RGS5: variants seen among roughly 807,000 people sequenced by gnomAD.
RGS5 encodes the protein regulator of G-protein signalling 5.
Under a neutral mutation model 18.9 loss-of-function variants are expected in RGS5, and 20 were observed. That is an observed-to-expected ratio of 1.06 (90% confidence interval 0.74 to 1.54). The LOEUF is 1.54. RGS5 is among the 40% of genes most tolerant of loss of function. The pLI is 0.00. For synonymous variants in RGS5, 57 were observed against 76.2 expected, an observed-to-expected ratio of 0.75 and a Z score of 1.31; for missense variants, 201 against 211.8, an observed-to-expected ratio of 0.95 and a Z score of 0.32.
At chr1:163,268,289 C>T (rs1420635747) in intron 2 of RGS5, among the ~76,000 whole-genome samples, 2 of 152,118 alleles carry the variant, frequency 1.3e-5, no homozygotes, top group Non-Finnish European at 2.9e-5. Flanking sequence ...AAGCACAGAA[C>T]CCAGAGCCAT....
intron 2 of RGS5, among the ~76,000 whole-genome samples, chr1:163,285,773 C>T (rs1199683962): frequency 5.9e-5 from 9 of 151,600 alleles, no homozygotes; most frequent in Admixed American, 4.6e-4. Flanking sequence ...AGCACCTTCC[C>T]CTTCTCTCTC....
rs182974028 is a variant in RGS5 at position 163,235,347 on chromosome 1, A to G, written c.-280-66979T>C. Among the ~76,000 whole-genome samples the G allele has an allele frequency of 4.9e-3, 741 of 152,308 alleles. 5 individuals carry two copies. The highest frequency in any genetic ancestry group is 0.017 in the African/African-American group (697 of 41,564). ...TGACATCATCTCCTCCAATACGTACAATATATAATGTTGAAAAAGTAGTAG... is the reference window on the plus strand; with the variant it reads ...TGACATCATCTCCTCCAATACGTACGATATATAATGTTGAAAAAGTAGTAG... On this transcript the variant is annotated intron_variant, in intron 2 of 5. Transcript: ENST00000618415.
chr1:163,262,787 G>A (rs113371652), intron 2 of RGS5, among the ~76,000 whole-genome samples: 1 of 151,232 alleles, frequency 6.6e-6, no homozygotes, highest in African/African-American at 2.4e-5. Context: ...GTGTAAAAGT[G>A]TTCCTATTTC....
chr1:163,254,634 A>C (rs1158471239), intron 2 of RGS5, among the ~76,000 whole-genome samples: 1 of 152,216 alleles, frequency 6.6e-6, no homozygotes, highest in Non-Finnish European at 1.5e-5. Flanking sequence ...TTTGCTGTGC[A>C]GAAGAACTTT....
intron 2 of RGS5, among the ~76,000 whole-genome samples, chr1:163,291,163 T>C (rs1649275462): frequency 6.6e-6 from 1 of 151,580 alleles, no homozygotes; most frequent in Admixed American, 6.6e-5. Context: ...TGTAGAATCA[T>C]AAAAACTCTC....
At chr1:163,212,212 G>T (rs1391423179) in intron 1 of RGS5, 1 of 152,158 alleles carries the variant, frequency 6.6e-6, no homozygotes, top group Non-Finnish European at 1.5e-5. Flanking sequence ...GGCTCTTTGA[G>T]TCTGGGTGAT....
rs368489124 is a variant in RGS5, at chr1:163,162,152, G to C, written c.156-176C>G. ...CTAACAATTGGGTTTGATGAGCTGG[G>C]TTTGCTTTCATACATCTTTATTGCA... is the stretch of plus-strand genomic sequence containing the variant. On this transcript the variant is annotated intron_variant, in intron 2 of 4. Coordinates refer to ENST00000313961, the MANE Select transcript of RGS5 (RefSeq NM_003617.4). Among the ~76,000 whole-genome samples, 8 of 152,276 alleles carry C rather than the reference G, an allele frequency of 5.3e-5. No homozygotes were observed. The East Asian group carries it at 9.6e-4, about 18-fold the overall frequency.
At chr1:163,259,587 G>C (rs1648375516) in intron 2 of RGS5, among the ~76,000 whole-genome samples, 1 of 152,160 alleles carries the variant, frequency 6.6e-6, no homozygotes, top group Admixed American at 6.5e-5. Flanking sequence ...AAGAACATCA[G>C]TACAGCTGGA....
intron 2 of RGS5, among the ~76,000 whole-genome samples, chr1:163,272,116 T>C (rs1557926842): frequency 6.6e-6 from 1 of 151,990 alleles, no homozygotes; most frequent in South Asian, 2.1e-4. Flanking sequence ...TTTATTATTA[T>C]AGACATTCTT....
chr1:163,318,465 A>G (rs1650089161), intron 1 of RGS5, among the ~76,000 whole-genome samples: 1 of 152,184 alleles, frequency 6.6e-6, no homozygotes. Context: ...AATTGGGAGT[A>G]CAAATGAAAG....
At chr1:163,290,307 T>C (rs539251430) in intron 2 of RGS5, among the ~76,000 whole-genome samples, 1 of 152,348 alleles carries the variant, frequency 6.6e-6, no homozygotes, top group South Asian at 2.1e-4. Context: ...TCCTTGTTTG[T>C]GTCCACGTCC....
intron 1 of RGS5, among the ~76,000 whole-genome samples, chr1:163,201,524 A>T (rs1451712444): frequency 6.6e-6 from 1 of 152,126 alleles, no homozygotes; most frequent in East Asian, 1.9e-4. Context: ...TTAATTATCA[A>T]TATGTAAGTA....
intron 2 of RGS5, among the ~76,000 whole-genome samples, chr1:163,240,102 A>T (rs1647748482): frequency 6.6e-6 from 1 of 152,092 alleles, no homozygotes; most frequent in Admixed American, 6.5e-5. Flanking sequence ...TGCCTCAGCA[A>T]TTCCACTCTA....
At chr1:163,194,970 AC>A (rs1206005044) in intron 1 of RGS5, among the ~76,000 whole-genome samples, 1 of 152,180 alleles carries the variant, frequency 6.6e-6, no homozygotes, top group Non-Finnish European at 1.5e-5. Flanking sequence ...TAAAAAGGGA[AC>A]ACTTTTATAC....
intron 2 of RGS5, among the ~76,000 whole-genome samples, chr1:163,274,781 G>A (rs1648809866): frequency 6.6e-6 from 1 of 152,146 alleles, no homozygotes; most frequent in East Asian, 1.9e-4. Flanking sequence ...ATTGGTTAGT[G>A]TTAAAAAACA....
intron 2 of RGS5, among the ~76,000 whole-genome samples, chr1:163,165,866 A>G (rs1328715492): frequency 1.3e-5 from 2 of 151,604 alleles, no homozygotes; most frequent in African/African-American, 4.9e-5. Context: ...AGATCATGCC[A>G]TTGCACTCCA....
In RGS5 at chr1:163,146,569, GTC is replaced by G. The variant is rs1657136738; in HGVS notation, c.*771_*772del. Reference sequence around the variant, plus strand: ...TGAAAATGGAAACATTTGACCCACAGTCTAGCAGCATAAATACATTTATAAAA... The same window carrying G: ...TGAAAATGGAAACATTTGACCCACAGTAGCAGCATAAATACATTTATAAAA... On this transcript the variant is annotated 3_prime_UTR_variant, in exon 5 of 5. Transcript: ENST00000313961. 1.3e-5 allele frequency: 2 copies of G among 152,152 alleles called. No homozygotes were observed. Among genetic ancestry groups the G allele is most frequent in the African/African-American group, 2.4e-5 (1 of 41,438 alleles). The allele number at this position is 152,152 out of a possible 1,614,324, so 9.4% of individuals were successfully genotyped here.
intron 1 of RGS5, among the ~76,000 whole-genome samples, chr1:163,179,610 T>C (rs1658717224): frequency 6.6e-6 from 1 of 152,216 alleles, no homozygotes; most frequent in Non-Finnish European, 1.5e-5. Context: ...AATCCTATTA[T>C]CAACTTAGTC....
At chr1:163,264,321 A>C (rs1648524280) in intron 2 of RGS5, among the ~76,000 whole-genome samples, 1 of 152,148 alleles carries the variant, frequency 6.6e-6, no homozygotes, top group Non-Finnish European at 1.5e-5. Context: ...TTTGTTTGGC[A>C]AGTCCCAAAT....
Sources: gnomAD v4.1 joint callset for allele counts (sites outside exome capture counted in the v4.1 genomes callset) on GRCh38, gnomAD v4.1.1 for gene constraint, MANE v1.5 for transcripts, NCBI Gene and HGNC (gene_info 2026-07-23, HGNC 2026-07-21) for gene names.